CDH12: variants seen among roughly 807,000 people sequenced by gnomAD.
CDH12 encodes cadherin-12.
Under a neutral mutation model 74.1 loss-of-function variants are expected in CDH12, and 41 were observed. That is an observed-to-expected ratio of 0.55 (90% confidence interval 0.43 to 0.72). CDH12 has a LOEUF of 0.72. Among genes scored for constraint, CDH12 ranks in the 30% least tolerant of loss-of-function variants. The probability of loss-of-function intolerance (pLI) is 0.00; values close to 1 mark genes in which losing one functional copy is unlikely to be tolerated. For synonymous variants in CDH12, 399 were observed against 355.0 expected, an observed-to-expected ratio of 1.12 and a Z score of -1.39; for missense variants, 945 against 977.2, an observed-to-expected ratio of 0.97 and a Z score of 0.44.
At chr5:22,741,075 G>A (rs1050005868) in intron 1 of CDH12, among the ~76,000 whole-genome samples, 1 of 152,092 alleles carries the variant, frequency 6.6e-6, no homozygotes, top group Non-Finnish European at 1.5e-5. Context: ...GATATCTAGT[G>A]TAACTCAGGA....
chr5:21,984,331 TG>T (rs1397957491), intron 5 of CDH12, among the ~76,000 whole-genome samples: 1 of 152,210 alleles, frequency 6.6e-6, no homozygotes, highest in East Asian at 1.9e-4. Context: ...GTTTACATTC[TG>T]GTCATTAATG....
chr5:21,914,942 G>A (rs1442499879), intron 6 of CDH12, among the ~76,000 whole-genome samples: 5 of 152,108 alleles, frequency 3.3e-5, no homozygotes, highest in East Asian at 1.9e-4. Flanking sequence ...TGATTAGTTC[G>A]ACAAAGACTG....
intron 11 of CDH12, among the ~76,000 whole-genome samples, chr5:21,778,533 T>G (rs1307372909): frequency 1.5e-4 from 22 of 151,140 alleles, no homozygotes; most frequent in Non-Finnish European, 2.8e-4. Context: ...TTTTTTTTTT[T>G]TTTGTTTAAA....
intron 5 of CDH12, among the ~76,000 whole-genome samples, chr5:22,065,991 C>T (rs1741528965): frequency 6.6e-6 from 1 of 152,080 alleles, no homozygotes; most frequent in African/African-American, 2.4e-5. Context: ...GTCAGGTACA[C>T]AAAGTCTAAC....
intron 6 of CDH12, among the ~76,000 whole-genome samples, chr5:21,864,449 C>T (rs1218220463): frequency 6.6e-6 from 1 of 152,130 alleles, no homozygotes; most frequent in African/African-American, 2.4e-5. Context: ...TGTACGTTCT[C>T]TCTTGCCCTT....
At chr5:22,149,083 A>G (rs1747403521) in intron 4 of CDH12, among the ~76,000 whole-genome samples, 1 of 152,162 alleles carries the variant, frequency 6.6e-6, no homozygotes, top group Admixed American at 6.5e-5. Context: ...GTGTCACTGC[A>G]CTCCAGCCTG....
At chr5:21,829,103 T>C (rs1748859923) in intron 8 of CDH12, among the ~76,000 whole-genome samples, 1 of 152,164 alleles carries the variant, frequency 6.6e-6, no homozygotes, top group Non-Finnish European at 1.5e-5. Context: ...GAGGCCAGCC[T>C]GGCCAACATG....
chr5:21,783,276 A>C, intron 11 of CDH12, 82 bp downstream of exon 11: 8 of 1,270,946 alleles, frequency 6.3e-6, no homozygotes, highest in Non-Finnish European at 8.7e-6. Flanking sequence ...AAAAATGAAA[A>C]ACATCTCAGC....
chr5:22,309,750 C>A (rs1371977927), intron 3 of CDH12, among the ~76,000 whole-genome samples: 1 of 151,942 alleles, frequency 6.6e-6, no homozygotes, highest in East Asian at 1.9e-4. Flanking sequence ...AGGTTAGTCA[C>A]CAGGGAAGTC....
At chr5:22,310,683 G>A (rs148427673) in intron 3 of CDH12, among the ~76,000 whole-genome samples, 43 of 152,216 alleles carry the variant, frequency 2.8e-4, no homozygotes, top group African/African-American at 9.4e-4. Context: ...CACCTTGAGA[G>A]CACATTGCAG....
intron 3 of CDH12, among the ~76,000 whole-genome samples, chr5:22,327,811 G>T (rs949952037): frequency 4.6e-5 from 7 of 151,828 alleles, no homozygotes; most frequent in Non-Finnish European, 7.4e-5. Flanking sequence ...AAAAATCTTC[G>T]CTTAAACAAA....
intron 3 of CDH12, among the ~76,000 whole-genome samples, chr5:22,219,872 A>G (rs893601636): frequency 6.6e-6 from 1 of 151,806 alleles, no homozygotes; most frequent in Non-Finnish European, 1.5e-5. Flanking sequence ...ATGAGTTAGT[A>G]GATACACACT....
intron 6 of CDH12, among the ~76,000 whole-genome samples, chr5:21,891,760 C>G (rs573413526): frequency 3.5e-4 from 53 of 152,216 alleles, no homozygotes; most frequent in African/African-American, 1.0e-3. Flanking sequence ...CCCAAGGTTA[C>G]AGTTTCTGAT....
At chr5:21,847,251 T>G (rs114799647) in intron 7 of CDH12, among the ~76,000 whole-genome samples, 1 of 152,146 alleles carries the variant, frequency 6.6e-6, no homozygotes, top group Admixed American at 6.6e-5. Context: ...CAAGGGATGC[T>G]TATTTGTAGT....
chr5:22,639,431 TC>T (rs1338912885), intron 1 of CDH12, among the ~76,000 whole-genome samples: 20 of 126,922 alleles, frequency 1.6e-4, no homozygotes, highest in African/African-American at 4.2e-4. Flanking sequence ...CTTTTCTTCT[TC>T]TTTTTTTTTT....
At chr5:22,259,781 G>A (rs1358852636) in intron 3 of CDH12, among the ~76,000 whole-genome samples, 1 of 151,630 alleles carries the variant, frequency 6.6e-6, no homozygotes, top group Non-Finnish European at 1.5e-5. Context: ...TTGCCTTGGA[G>A]AACAAACTAC....
chr5:22,250,314 C>T (rs1488690675), intron 3 of CDH12, among the ~76,000 whole-genome samples: 1 of 152,066 alleles, frequency 6.6e-6, no homozygotes, highest in Non-Finnish European at 1.5e-5. Context: ...GCAGGGACAA[C>T]TTGTCTCTGC....
Position 21,939,262 on chromosome 5 carries a change from A to C in CDH12, c.526+35829T>G, listed in dbSNP as rs58778301. Among the ~76,000 whole-genome samples, 518 of 151,712 alleles carry C rather than the reference A, an allele frequency of 3.4e-3. 20 individuals carry two copies. In the East Asian group the frequency reaches 0.091, roughly 27 times the overall value. On this transcript the variant is annotated intron_variant, in intron 6 of 14. Coordinates refer to ENST00000382254, the MANE Select transcript of CDH12 (RefSeq NM_004061.5). The stretch of plus-strand genomic sequence containing the variant: ...TCAAAAAAAGACTGAATTATAATAC[A>C]TGAAGAGTAGGAAAAAATAGTTGCA...
At chr5:22,518,577 T>C (rs1338234030) in intron 1 of CDH12, among the ~76,000 whole-genome samples, 1 of 152,220 alleles carries the variant, frequency 6.6e-6, no homozygotes, top group Non-Finnish European at 1.5e-5. Context: ...AAATTTACTG[T>C]TTCAAGTGTT....
Sources: gnomAD v4.1 joint callset for allele counts (sites outside exome capture counted in the v4.1 genomes callset) on GRCh38, gnomAD v4.1.1 for gene constraint, MANE v1.5 for transcripts, NCBI Gene and HGNC (gene_info 2026-07-23, HGNC 2026-07-21) for gene names.